The following KIF27 variants were observed in gnomAD, a reference collection of about 807,000 sequenced individuals.
KIF27 encodes kinesin family member 27.
In KIF27, 84 loss-of-function variants were observed where a neutral mutation model predicts 141.8. That is an observed-to-expected ratio of 0.59 (90% CI 0.50 to 0.71). The LOEUF (loss-of-function observed/expected upper bound fraction) is 0.71. KIF27 is among the 30% of genes least tolerant of loss of function. KIF27 has a pLI of 0.00. For synonymous variants in KIF27, 471 were observed against 569.5 expected (o/e 0.83, Z 2.46); for missense variants, 1,306 against 1,628.4 (o/e 0.80, Z 3.41).
intron 15 of KIF27, among the ~76,000 whole-genome samples, chr9:83,851,987 G>A (rs1001250101): frequency 2.0e-5 from 3 of 151,658 alleles, no homozygotes; most frequent in African/African-American, 7.3e-5. Context: ...AATGAGCTGG[G>A]CATGGCAGCA....
chr9:83,887,035 T>C lies in KIF27; in HGVS notation c.2239+6A>G. On this transcript the variant is annotated splice_donor_region_variant and intron_variant, in intron 9 of 17. Coordinates refer to ENST00000297814, the MANE Select transcript of KIF27 (RefSeq NM_017576.4). ...TCATTTAAGCTGGTTCACAAGATAC[T>C]ATTACCTGTTTTTATTAATTCTTTA... is the stretch of plus-strand genomic sequence containing the variant. The C allele has an allele frequency of 6.4e-7, 1 of 1,571,830 alleles. No homozygotes were observed. The highest frequency in any genetic ancestry group is 2.1e-5 in the Admixed American group (1 of 48,628).
Position 83,848,256 on chromosome 9 carries a change from T to G in KIF27, c.3556+1843A>C, listed in dbSNP as rs1456886330. Among the ~76,000 whole-genome samples, 3 of 92,196 alleles carry G rather than the reference T, an allele frequency of 3.3e-5. 1 individual carries two copies. Among genetic ancestry groups the G allele is most frequent in the Non-Finnish European group, 6.4e-5 (3 of 46,514 alleles). The allele number at this position is 92,196 out of a possible 152,430, so 60.5% of individuals were successfully genotyped here. On this transcript the variant is annotated intron_variant, in intron 16 of 17. Coordinates refer to ENST00000297814, the MANE Select transcript of KIF27 (RefSeq NM_017576.4). Reference sequence around the variant, plus strand: ...GATATATATGATATATCAGATATGATATATATGATATATCAGATATGATAT... The same window carrying G: ...GATATATATGATATATCAGATATGAGATATATGATATATCAGATATGATAT...
At chr9:83,843,853 G>A (rs1373770349) in intron 16 of KIF27, among the ~76,000 whole-genome samples, 1 of 152,136 alleles carries the variant, frequency 6.6e-6, no homozygotes. Flanking sequence ...CTCCGGGGTA[G>A]CTGGGACCAC....
rs147431079 is a variant in KIF27, at chr9:83,908,617, G to C, written c.334C>G (p.Arg112Gly). 26 of 1,611,720 alleles carry C rather than the reference G, an allele frequency of 1.6e-5. No individual in the cohort carries two copies. Among genetic ancestry groups the C allele is most frequent in the Non-Finnish European group, 2.0e-5 (24 of 1,178,760 alleles). ...VVEGQKGIIPRAIQEIFQSIS... is the reference protein window; with the variant it reads ...VVEGQKGIIPGAIQEIFQSIS... ...CTTTGAAATATTTCTTGAATAGCTC[G>C]AGGAATGATACCCTTTTGGCCCTCC... Residue 112 changes from arginine (R) to glycine (G), a missense_variant, in exon 3 of 18, where the codon CGA (arginine) becomes GGA (glycine). This residue lies in a region of KIF27 where 533 missense variants were observed against 565.6 expected (regional missense o/e 0.94). Transcript: ENST00000297814.
intron 13 of KIF27, among the ~76,000 whole-genome samples, chr9:83,862,783 G>A (rs1187998496): frequency 4.6e-5 from 7 of 151,814 alleles, no homozygotes; most frequent in African/African-American, 9.7e-5. Context: ...CCATTTTCAC[G>A]ATATTGATTC....
At chr9:83,849,792 CA>C (rs1266002826) in intron 16 of KIF27, among the ~76,000 whole-genome samples, 1 of 151,814 alleles carries the variant, frequency 6.6e-6, no homozygotes, top group Non-Finnish European at 1.5e-5. Context: ...AACTGTATAC[CA>C]AAAAGCCTGA....
At chr9:83,905,044 T>C (rs1436738920) in intron 3 of KIF27, among the ~76,000 whole-genome samples, 1 of 152,146 alleles carries the variant, frequency 6.6e-6, no homozygotes, top group Non-Finnish European at 1.5e-5. Flanking sequence ...AAAAAAAGTT[T>C]TTATTTCAAT....
At chr9:83,900,963 T>C (rs560942547) in intron 4 of KIF27, among the ~76,000 whole-genome samples, 72 of 152,190 alleles carry the variant, frequency 4.7e-4, no homozygotes, top group Non-Finnish European at 9.3e-4. Context: ...TATTTATTTA[T>C]TCATTTATTT....
intron 16 of KIF27, among the ~76,000 whole-genome samples, chr9:83,846,719 C>T (rs539919753): frequency 9.2e-5 from 14 of 152,324 alleles, no homozygotes; most frequent in Non-Finnish European, 1.6e-4. Context: ...CCATTAGCAA[C>T]ATTTTTGCTT....
intron 1 of KIF27, among the ~76,000 whole-genome samples, chr9:83,918,331 G>C (rs1179143681): frequency 7.0e-6 from 1 of 142,662 alleles, no homozygotes; most frequent in Non-Finnish European, 1.5e-5. Flanking sequence ...AATGGGGGGG[G>C]GGCAGGACAG....
chr9:83,839,632 T>C (rs1946326752), intron 17 of KIF27, among the ~76,000 whole-genome samples: 1 of 152,188 alleles, frequency 6.6e-6, no homozygotes, highest in South Asian at 2.1e-4. Flanking sequence ...AAAGAAAATA[T>C]AATTCTTGTA....
intron 1 of KIF27, among the ~76,000 whole-genome samples, chr9:83,918,520 T>A (rs906761494): frequency 2.0e-5 from 3 of 152,078 alleles, no homozygotes; most frequent in Admixed American, 2.0e-4. Flanking sequence ...ACTCAAAAAG[T>A]TTTTTAAAAA....
rs118013824 is a variant in KIF27 at position 83,867,256 on chromosome 9, A to G, written c.2934+428T>C. Among the ~76,000 whole-genome samples the G allele has an allele frequency of 8.0e-3, 1,215 of 152,282 alleles. 31 individuals carry two copies. The highest frequency in any genetic ancestry group is 0.037 in the East Asian group (191 of 5,184). On this transcript the variant is annotated intron_variant, in intron 13 of 17. Transcript: ENST00000297814. ...CAGTTTATCCATTCATCACTTGATGAACATTTGTGTTGTTTTCAGTTTTTA... is the reference window on the plus strand; with the variant it reads ...CAGTTTATCCATTCATCACTTGATGGACATTTGTGTTGTTTTCAGTTTTTA...
intron 2 of KIF27, among the ~76,000 whole-genome samples, chr9:83,913,632 T>C (rs1184503639): frequency 1.3e-5 from 2 of 152,172 alleles, no homozygotes; most frequent in Admixed American, 6.5e-5. Context: ...AGACAGGGTT[T>C]CATCATGTTG....
In KIF27 at chr9:83,884,720, T is replaced by C. The variant is rs544802833; in HGVS notation, c.2240-702A>G. ...ACACCAATCAGTCCATATTCAGACTTCCCCAATTGCCTCAAAATGTGTCTC... is the reference window on the plus strand; with the variant it reads ...ACACCAATCAGTCCATATTCAGACTCCCCCAATTGCCTCAAAATGTGTCTC... On this transcript the variant is annotated intron_variant, in intron 9 of 17. Coordinates refer to ENST00000297814, the MANE Select transcript of KIF27 (RefSeq NM_017576.4). Among the ~76,000 whole-genome samples the C allele has an allele frequency of 7.2e-5, 11 of 152,274 alleles. No homozygotes were observed. In the East Asian group the frequency reaches 2.1e-3, roughly 29 times the overall value.
At chr9:83,852,798 T>C (rs1435160107) in intron 15 of KIF27, among the ~76,000 whole-genome samples, 3 of 152,088 alleles carry the variant, frequency 2.0e-5, no homozygotes, top group Non-Finnish European at 2.9e-5. Flanking sequence ...CCGGCTAATT[T>C]TGGTATTTTT....
rs773009927 is a variant in KIF27 at position 83,915,581 on chromosome 9, A to G, written c.11T>C (p.Ile4Thr). 1.9e-6 allele frequency: 3 copies of G among 1,600,056 alleles called. No individual in the cohort carries two copies. The highest frequency in any genetic ancestry group is 1.7e-6 in the Non-Finnish European group (2 of 1,174,248). Residue 4 changes from isoleucine to threonine, a missense_variant, in exon 2 of 18, where the codon ATA (isoleucine) becomes ACA (threonine). Coordinates refer to ENST00000297814, the MANE Select transcript of KIF27 (RefSeq NM_017576.4). ...AATTCTTACAGCAACTTTTACTGGT[A>G]TTTCTTCCATGGCAACTTAGATTTT... MEE[I>T]PVKVAVRIRP...
chr9:83,885,869 A>G (rs1952055997), intron 9 of KIF27, among the ~76,000 whole-genome samples: 1 of 151,640 alleles, frequency 6.6e-6, no homozygotes, highest in Non-Finnish European at 1.5e-5. Context: ...ATGTCCTGTT[A>G]TTATTAGTTG....
Position 83,853,657 on chromosome 9 carries a change from C to G in KIF27, c.3329G>C (p.Arg1110Thr), listed in dbSNP as rs1354803310. The change falls in exon 15 of 18, where the codon AGA becomes ACA. Residue 1110 changes from arginine to threonine, a missense_variant. Transcript: ENST00000297814. ...ATTGAAATATCTGAAAAGAATAGTTCTAATCTCAACAGGACTCAGGCAAGC... is the reference window on the plus strand; with the variant it reads ...ATTGAAATATCTGAAAAGAATAGTTGTAATCTCAACAGGACTCAGGCAAGC... ...KLACLSPVEI[R>T]TILFRYFNKV... 1.2e-6 allele frequency: 2 copies of G among 1,613,650 alleles called. No individual in the cohort carries two copies. The highest frequency in any genetic ancestry group is 1.7e-6 in the Non-Finnish European group (2 of 1,179,694).
Sources: gnomAD v4.1 joint callset for allele counts (sites outside exome capture counted in the v4.1 genomes callset) on GRCh38, gnomAD v4.1.1 for gene constraint, gnomAD v4.1.1 regional missense constraint, MANE v1.5 for transcripts, NCBI Gene and HGNC (gene_info 2026-07-23, HGNC 2026-07-21) for gene names.